Variants in NOL7 observed in about 807,000 individuals in gnomAD.
NOL7 encodes the protein nucleolar protein 7, also known as U3 small nucleolar RNA-associated protein NOL7.
NOL7 carries 36 observed loss-of-function variants against 38.4 expected under a neutral mutation model. That is an observed-to-expected ratio of 0.94 (90% CI 0.72 to 1.24). The LOEUF (loss-of-function observed/expected upper bound fraction) is 1.24, where lower values mean the gene tolerates loss of function less well. NOL7 is among the 50% of genes most tolerant of loss of function. The pLI, the probability that NOL7 is intolerant of heterozygous loss-of-function variation, is 0.00. For synonymous variants in NOL7, 142 were observed against 126.5 expected (o/e 1.12, Z -0.82); for missense variants, 350 against 315.1 (o/e 1.11, Z -0.84).
At chr6:13,624,712 A>G (rs1263651339), downstream of NOL7, among the ~76,000 whole-genome samples, 13 of 152,202 alleles carry the variant, frequency 8.5e-5, no homozygotes, top group Admixed American at 7.2e-4. Context: ...CCAAACGAAC[A>G]TCGAATTAGC....
chr6:13,626,158 T>C (rs184231689), downstream of NOL7, among the ~76,000 whole-genome samples: 48 of 152,218 alleles, frequency 3.2e-4, 1 homozygote, highest in Non-Finnish European at 6.5e-4. Flanking sequence ...GCATTTCCTT[T>C]TTTCAACAGA....
chr6:13,617,781 C>T lies in NOL7; in HGVS notation c.398C>T (p.Ser133Leu), dbSNP rs750301041. ...TTASQTNIKK[S>L]PGKVKEVNLQ... ...TTTTTTTTCCTTAGCATCAAGAAAT[C>T]GCCAGGAAAGGTGAAAGAAGGTATG... Residue 133 changes from serine to leucine, a missense_variant, in exon 4 of 8, where the codon TCG becomes TTG. Transcript: ENST00000451315. 6.2e-6 allele frequency: 10 copies of T among 1,613,414 alleles called. No individual in the cohort carries two copies. The highest frequency in any genetic ancestry group is 5.3e-5 in the African/African-American group (4 of 74,874).
downstream of NOL7, among the ~76,000 whole-genome samples, chr6:13,625,416 ACTT>A (rs1764574500): frequency 6.6e-6 from 1 of 152,104 alleles, no homozygotes; most frequent in African/African-American, 2.4e-5. Context: ...GCACACAAAA[ACTT>A]CTATTTCCCA....
chr6:13,631,791 C>T (rs1764789702), intron 8 of NOL7, among the ~76,000 whole-genome samples: 1 of 152,194 alleles, frequency 6.6e-6, no homozygotes, highest in Non-Finnish European at 1.5e-5. Flanking sequence ...AAAACTGTGG[C>T]TACTTTACTG....
downstream of NOL7, among the ~76,000 whole-genome samples, chr6:13,623,500 A>C (rs1203819600): frequency 4.6e-5 from 7 of 152,250 alleles, no homozygotes; most frequent in African/African-American, 1.7e-4. Flanking sequence ...AAACAGGATT[A>C]AGAATAAACG....
chr6:13,625,309 G>A (rs1764571171), downstream of NOL7, among the ~76,000 whole-genome samples: 1 of 152,150 alleles, frequency 6.6e-6, no homozygotes, highest in African/African-American at 2.4e-5. Flanking sequence ...AATGTCTCTG[G>A]TAGGGTAGTA....
intron 8 of NOL7, among the ~76,000 whole-genome samples, chr6:13,628,586 T>C (rs1258523022): frequency 3.3e-5 from 5 of 152,170 alleles, no homozygotes; most frequent in Non-Finnish European, 7.4e-5. Context: ...GGCTTGGAAG[T>C]AGAGTGAAGC....
chr6:13,625,885 A>G (rs1043196747), downstream of NOL7: 13 of 639,142 alleles, frequency 2.0e-5, no homozygotes, highest in Non-Finnish European at 3.4e-5. Flanking sequence ...TAAACTTTAA[A>G]CCCATTTACT....
At chr6:13,625,639 T>C, downstream of NOL7, 1 of 1,552,432 alleles carries the variant, frequency 6.4e-7, no homozygotes, top group East Asian at 2.2e-5. Flanking sequence ...TGTGCCTTAT[T>C]TGGCTTTACT....
Position 13,627,928 on chromosome 6 carries a change from A to G in NOL7, n.574-4465A>G, listed in dbSNP as rs568820475. Reference sequence around the variant, plus strand: ...AAACCACCATGGCACACGTTTACCTATGTAACAAACCTGCACATCCTGCAC... The same window carrying G: ...AAACCACCATGGCACACGTTTACCTGTGTAACAAACCTGCACATCCTGCAC... On this transcript the variant is annotated intron_variant and non_coding_transcript_variant, in intron 8 of 8. Transcript: ENST00000474485. Among the ~76,000 whole-genome samples, 539 of 152,282 alleles carry G rather than the reference A, an allele frequency of 3.5e-3. 1 individual carries two copies. The highest frequency in any genetic ancestry group is 0.012 in the African/African-American group (501 of 41,560).
Position 13,620,800 on chromosome 6 carries a change from G to A in NOL7, c.747G>A (p.Met249Ile). 2.5e-6 allele frequency: 4 copies of A among 1,602,904 alleles called. No individual in the cohort carries two copies. Among genetic ancestry groups the A allele is most frequent in the Non-Finnish European group, 2.6e-6 (3 of 1,174,660 alleles). Residue 249 changes from methionine (M) to isoleucine (I), a missense_variant, in exon 8 of 8, where the codon ATG becomes ATA. Transcript: ENST00000451315. Reference sequence around the variant, plus strand: ...CCAAGAGGTTTAAAAGACGGTGGATGGTCAGAAAGATGAAAACTAAGAAGT... The same window carrying A: ...CCAAGAGGTTTAAAAGACGGTGGATAGTCAGAAAGATGAAAACTAAGAAGT... The part of the protein sequence containing the change: ...QNAKRFKRRW[M>I]VRKMKTKK
At chr6:13,620,169 A>G (rs1026769536) in intron 5 of NOL7, 39 bp from the exon 6 acceptor site, 2 of 1,578,134 alleles carry the variant, frequency 1.3e-6, no homozygotes, top group Non-Finnish European at 1.7e-6. Flanking sequence ...GAAAGTAAGC[A>G]TGTGTAATTC....
intron 5 of NOL7, among the ~76,000 whole-genome samples, chr6:13,618,538 C>G (rs1326104018): frequency 6.6e-6 from 1 of 152,098 alleles, no homozygotes; most frequent in African/African-American, 2.4e-5. Flanking sequence ...TGAGCCACCG[C>G]GCCCGGCCGG....
chr6:13,627,412 T>C (rs1764638133), intron 8 of NOL7, among the ~76,000 whole-genome samples: 1 of 151,970 alleles, frequency 6.6e-6, no homozygotes, highest in Non-Finnish European at 1.5e-5. Flanking sequence ...GGCAGATCAT[T>C]TGAGGCCAGG....
downstream of NOL7, chr6:13,622,203 A>C: frequency 3.0e-6 from 2 of 660,708 alleles, no homozygotes; most frequent in Non-Finnish European, 4.3e-6. Flanking sequence ...AAGTTAGAAA[A>C]TCATTTGCAT....
chr6:13,629,109 T>C (rs550182894), intron 8 of NOL7, among the ~76,000 whole-genome samples: 2 of 144,198 alleles, frequency 1.4e-5, no homozygotes, highest in East Asian at 3.9e-4. Context: ...TAAAATATCA[T>C]TGAGCCTTTT....
At chr6:13,627,735 T>A (rs1764656347) in intron 8 of NOL7, among the ~76,000 whole-genome samples, 1 of 151,480 alleles carries the variant, frequency 6.6e-6, no homozygotes, top group African/African-American at 2.4e-5. Context: ...ATACCCATAG[T>A]ACAGATAAAT....
intron 5 of NOL7, among the ~76,000 whole-genome samples, chr6:13,618,890 C>CA (rs908090240): frequency 1.1e-4 from 17 of 148,642 alleles, no homozygotes; most frequent in East Asian, 5.9e-4. Context: ...GACCCTGTCT[C>CA]AAAAAAAAAA....
At chr6:13,625,746 C>A, downstream of NOL7, 1 of 1,608,846 alleles carries the variant, frequency 6.2e-7, no homozygotes, top group Non-Finnish European at 8.5e-7. Flanking sequence ...TCTGAATATG[C>A]TAGTAGACTG....
Sources: gnomAD v4.1 joint callset for allele counts (sites outside exome capture counted in the v4.1 genomes callset) on GRCh38, gnomAD v4.1.1 for gene constraint, MANE v1.5 for transcripts, NCBI Gene and HGNC (gene_info 2026-07-23, HGNC 2026-07-21) for gene names.